IRS4: variants seen among roughly 807,000 people sequenced by gnomAD.
IRS4 encodes insulin receptor substrate 4, also known as 160 kDa phosphotyrosine protein.
Under a neutral mutation model 48.6 loss-of-function variants are expected in IRS4, and 15 were observed. The observed-to-expected ratio is 0.31, with a 90% CI of 0.21 to 0.48. IRS4 has a LOEUF of 0.48. IRS4 is among the 20% of genes least tolerant of loss of function. IRS4 has a pLI of 0.99. For missense variants in IRS4, 987 were observed against 1,023.4 expected, an observed-to-expected ratio of 0.96 and a Z score of 0.49; for synonymous variants, 459 against 413.2, an observed-to-expected ratio of 1.11 and a Z score of -1.34.
Position 108,734,648 on chromosome X carries a change from C to A in IRS4, c.1697G>T (p.Gly566Val), listed in dbSNP as rs2068933577. 1 of 1,211,021 alleles carries A rather than the reference C, an allele frequency of 8.3e-7. No homozygotes were observed. Among genetic ancestry groups the A allele is most frequent in the Admixed American group, 2.2e-5 (1 of 46,031 alleles). ...CTGGCCACCACCTGAGCCATGCCCA[C>A]CTCCAGGTCTCTGGCCACCACCTGA... is the stretch of plus-strand genomic sequence containing the variant. ...HGSGGGQRPG[G>V]GHGSGGGQGP... Residue 566 changes from glycine (G) to valine (V), a missense_variant, in exon 1 of 2, where the codon GGT (glycine) becomes GTT (valine). Coordinates refer to ENST00000372129, the MANE Select transcript of IRS4 (RefSeq NM_001379150.1).
At position 108,733,610 on chromosome X, in the gene IRS4, T is replaced by C. The variant is rs1193104380; in HGVS notation, c.2735A>G (p.Gln912Arg). The change falls in exon 1 of 2, where the codon CAG becomes CGG. Residue 912 changes from glutamine (Q) to arginine (R), a missense_variant. Around this residue, in one of 4 missense-constraint regions of IRS4, gnomAD observed 720 missense variants for 660.3 expected, o/e 1.09. Transcript: ENST00000372129. ...GTCACTAGAGCTGTCAGCTTCTCTC[T>C]GCTCATGTGTGGGCTTTTGTGGTTT... ...KPKPQKPTHE[Q>R]READSSSDYV... The C allele has an allele frequency of 1.7e-6, 2 of 1,210,610 alleles. No individual in the cohort carries two copies. The highest frequency in any genetic ancestry group is 2.2e-6 in the Non-Finnish European group (2 of 895,415).
Position 108,734,546 on chromosome X carries a change from G to A in IRS4, c.1799C>T (p.Ser600Phe), listed in dbSNP as rs766206774. 94 of 1,209,140 alleles carry A rather than the reference G, an allele frequency of 7.8e-5. No homozygotes were observed. In the Middle Eastern group the frequency reaches 9.2e-4, roughly 12 times the overall value. ...GGKGSGSGKG[S>F]DGDGERGKSL... ...TTTTCCACGTTCACCATCACCATCG[G>A]ATCCTTTCCCACTTCCTGAGCCTTT... Residue 600 changes from serine to phenylalanine, a missense_variant, in exon 1 of 2, where the codon TCC becomes TTC. By Grantham distance (155) the Ser-to-Phe change is radical (BLOSUM62 -2). This residue lies in a region of IRS4 where 720 missense variants were observed against 660.3 expected (regional missense o/e 1.09). Coordinates refer to ENST00000372129, the MANE Select transcript of IRS4 (RefSeq NM_001379150.1).
At position 108,735,715 on chromosome X, in the gene IRS4, G is replaced by A. The variant is rs2068945771; in HGVS notation, c.630C>T (p.Gly210=). Reference sequence around the variant, plus strand: ...CGGCCGGCTCTCCGTCCGGCTGCGCGCCGAGCGTGCCGCAGCGGCGGCGCT... The same window carrying A: ...CGGCCGGCTCTCCGTCCGGCTGCGCACCGAGCGTGCCGCAGCGGCGGCGCT... ...ESKRRRCGTL[G]AQPDGEPAAL... Residue 210 remains glycine (G), a synonymous_variant, in exon 1 of 2, where the codon GGC becomes GGT. Transcript: ENST00000372129. 8.5e-7 allele frequency: 1 copy of A among 1,178,534 alleles called. No individual in the cohort carries two copies. The highest frequency in any genetic ancestry group is 1.1e-6 in the Non-Finnish European group (1 of 879,887).
Position 108,734,985 on chromosome X carries a change from C to A in IRS4, c.1360G>T (p.Ala454Ser), listed in dbSNP as rs749175631. ...RHPAEAPNNG[A>S]RLSSEVSGSG... ...CCAGACACTTCAGAAGACAGGCGAG[C>A]TCCATTGTTCGGGGCTTCTGCAGGG... is the stretch of plus-strand genomic sequence containing the variant. Residue 454 changes from alanine (A) to serine (S), a missense_variant, in exon 1 of 2, where the codon GCT becomes TCT. Ala to Ser is a moderately conservative substitution (Grantham distance 99). Transcript: ENST00000372129. The A allele has an allele frequency of 4.1e-6, 5 of 1,212,066 alleles. No homozygotes were observed. In the South Asian group the frequency reaches 8.8e-5, roughly 21 times the overall value.
chrX:108,734,660 T>G lies in IRS4; in HGVS notation c.1685A>C (p.Gln562Pro). ...TGAGCCATGCCCACCTCCAGGTCTCTGGCCACCACCTGAACCGTGCCCACC... is the reference window on the plus strand; with the variant it reads ...TGAGCCATGCCCACCTCCAGGTCTCGGGCCACCACCTGAACCGTGCCCACC... ...TAGGHGSGGG[Q>P]RPGGGHGSGG... The change falls in exon 1 of 2, where the codon CAG becomes CCG. Residue 562 changes from glutamine (Q) to proline (P), a missense_variant. This residue lies in a region of IRS4 where 720 missense variants were observed against 660.3 expected (regional missense o/e 1.09). Coordinates refer to ENST00000372129, the MANE Select transcript of IRS4 (RefSeq NM_001379150.1). 2 of 1,211,067 alleles carry G rather than the reference T, an allele frequency of 1.7e-6. No individual in the cohort carries two copies. Among genetic ancestry groups the G allele is most frequent in the Non-Finnish European group, 2.2e-6 (2 of 895,328 alleles).
Position 108,735,679 on chromosome X carries a change from C to G in IRS4, c.666G>C (p.Ala222=). 8.5e-7 allele frequency: 1 copy of G among 1,182,281 alleles called. No homozygotes were observed. The stretch of plus-strand genomic sequence containing the variant: ...AGAAGGGTGGCTCCGCCGCCGCTGC[C>G]GCCGCCAGCGCGGCCGGCTCTCCGT... ...QPDGEPAALA[A]AAAAEPPFYK... The change falls in exon 1 of 2, where the codon GCG becomes GCC. Residue 222 remains alanine, a synonymous_variant. Coordinates refer to ENST00000372129, the MANE Select transcript of IRS4 (RefSeq NM_001379150.1).
rs1309901269 is a variant in IRS4 at position 108,735,375 on chromosome X, A to C, written c.970T>G (p.Phe324Val). Reference protein sequence around the residue: ...CVVAQNMHELFLEKMRALCAD... With the variant: ...CVVAQNMHELVLEKMRALCAD... ...CACAAGGCTCTCATCTTCTCCAAAA[A>C]CAGCTCATGCATGTTTTGGGCAACC... The change falls in exon 1 of 2, where the codon TTT (phenylalanine) becomes GTT (valine). Residue 324 changes from phenylalanine (F) to valine (V), a missense_variant. Transcript: ENST00000372129. 4 of 1,208,641 alleles carry C rather than the reference A, an allele frequency of 3.3e-6. No individual in the cohort carries two copies. The African/African-American group carries it at 5.3e-5, about 16-fold the overall frequency.
rs1405009226 is a variant in IRS4, at chrX:108,722,178, A to T, written c.*341T>A. 8.9e-6 allele frequency: 1 copy of T among 112,500 alleles called. No individual in the cohort carries two copies. Among genetic ancestry groups the T allele is most frequent in the Non-Finnish European group, 1.9e-5 (1 of 53,479 alleles). 9.3% of individuals were successfully genotyped at this position (112,500 alleles called of 1,213,427 possible). A position where few individuals can be genotyped will look rare whatever the true frequency, so the allele number is the denominator to read the frequency against. On this transcript the variant is annotated 3_prime_UTR_variant, in exon 2 of 2. Coordinates refer to ENST00000372129, the MANE Select transcript of IRS4 (RefSeq NM_001379150.1). ...ACCAAATTTATATGTATTCTAAGTT[A>T]CTTTTTTTTAAAGAGGGAAAGAGTT...
Position 108,721,100 on chromosome X carries a change from C to T in IRS4, c.*1419G>A, listed in dbSNP as rs951963341. ...CACACAACAGGTACATCTACAATCA[C>T]ATGTACACAGGTACACAAAGTGTGC... On this transcript the variant is annotated 3_prime_UTR_variant, in exon 2 of 2. Coordinates refer to ENST00000372129, the MANE Select transcript of IRS4 (RefSeq NM_001379150.1). 1 of 112,904 alleles carries T rather than the reference C, an allele frequency of 8.9e-6. No individual in the cohort carries two copies. Among genetic ancestry groups the T allele is most frequent in the Non-Finnish European group, 1.9e-5 (1 of 53,401 alleles). The allele number at this position is 112,904 out of a possible 1,213,427, so 9.3% of individuals were successfully genotyped here. A position where few individuals can be genotyped will look rare whatever the true frequency, so the allele number is the denominator to read the frequency against.
At chrX:108,730,318 A>ACCACCC (rs1341735847) in intron 1 of IRS4, among the ~76,000 whole-genome samples, 5 of 87,432 alleles carry the variant, frequency 5.7e-5, no homozygotes, top group East Asian at 4.1e-4. Context: ...CACCACCACC[A>ACCACCC]CCACCCCCAC....
At position 108,734,160 on chromosome X, in the gene IRS4, T is replaced by G; in HGVS notation, c.2185A>C (p.Lys729Gln). 1 of 1,211,381 alleles carries G rather than the reference T, an allele frequency of 8.3e-7. No homozygotes were observed. The highest frequency in any genetic ancestry group is 1.1e-6 in the Non-Finnish European group (1 of 895,443). Residue 729 changes from lysine to glutamine, a missense_variant, in exon 1 of 2, where the codon AAA becomes CAA. Lys to Gln is a moderately conservative substitution (Grantham distance 53, BLOSUM62 1). Around this residue, in one of 4 missense-constraint regions of IRS4, gnomAD observed 720 missense variants for 660.3 expected, o/e 1.09. Transcript: ENST00000372129. The part of the protein sequence containing the change: ...PMAPQNVSAS[K>Q]KRHSRSPFED... The stretch of plus-strand genomic sequence containing the variant: ...AAAGGGGATCGAGAGTGGCGCTTTT[T>G]TGAAGCAGAGACATTTTGAGGAGCC...
At position 108,732,704 on chromosome X, in the gene IRS4, T is replaced by C; in HGVS notation, c.3641A>G (p.Glu1214Gly). The C allele has an allele frequency of 1.7e-6, 2 of 1,211,662 alleles. No individual in the cohort carries two copies. Among genetic ancestry groups the C allele is most frequent in the Non-Finnish European group, 2.2e-6 (2 of 895,359 alleles). ...CACCCGGCGACTGCGAGGTGGTGGT[T>C]CCGGAGCGGCAGCTGCAGCGGCAGC... ...GGAAAAAAAP[E>G]PPPRSRRVPR... Residue 1214 changes from glutamate (E) to glycine (G), a missense_variant, in exon 1 of 2, where the codon GAA (glutamate) becomes GGA (glycine). Around this residue, in one of 4 missense-constraint regions of IRS4, gnomAD observed 720 missense variants for 660.3 expected, o/e 1.09. Transcript: ENST00000372129.
In IRS4 at chrX:108,734,111, A is replaced by G; in HGVS notation, c.2234T>C (p.Met745Thr). The G allele has an allele frequency of 1.7e-6, 2 of 1,211,497 alleles. No individual in the cohort carries two copies. The highest frequency in any genetic ancestry group is 2.2e-6 in the Non-Finnish European group (2 of 895,480). Reference sequence around the variant, plus strand: ...TGGTGGGCTCACTCTGGGAAACATCATCATGTACCCTCTTGAATCTTCAAA... The same window carrying G: ...TGGTGGGCTCACTCTGGGAAACATCGTCATGTACCCTCTTGAATCTTCAAA... ...SPFEDSRGYMMMFPRVSPPPA... is the reference protein window; with the variant it reads ...SPFEDSRGYMTMFPRVSPPPA... Residue 745 changes from methionine (M) to threonine (T), a missense_variant, in exon 1 of 2, where the codon ATG becomes ACG. Around this residue, in one of 4 missense-constraint regions of IRS4, gnomAD observed 720 missense variants for 660.3 expected, o/e 1.09. Transcript: ENST00000372129.
rs1191625980 is a variant in IRS4 at position 108,733,397 on chromosome X, G to A, written c.2948C>T (p.Pro983Leu). Residue 983 changes from proline (P) to leucine (L), a missense_variant, in exon 1 of 2, where the codon CCA becomes CTA. Coordinates refer to ENST00000372129, the MANE Select transcript of IRS4 (RefSeq NM_001379150.1). ...NDLSDLLRAI[P>L]RANPLSLDSA... ...GTCCAGAGATAAGGGGTTGGCACGT[G>A]GTATAGCTCTTAAAAGATCTGAGAG... The A allele has an allele frequency of 1.7e-6, 2 of 1,209,861 alleles. No homozygotes were observed. The highest frequency in any genetic ancestry group is 3.5e-5 in the African/African-American group (2 of 57,124).
Position 108,736,228 on chromosome X carries a change from G to T in IRS4, c.117C>A (p.Thr39=), listed in dbSNP as rs1158288311. 8.3e-7 allele frequency: 1 copy of T among 1,210,939 alleles called. No homozygotes were observed. The highest frequency in any genetic ancestry group is 1.1e-6 in the Non-Finnish European group (1 of 895,373). Residue 39 remains threonine, a synonymous_variant, in exon 1 of 2, where the codon ACC becomes ACA. Transcript: ENST00000372129. ...VVTTPLLSSG[T]PTALIGTGSS... ...ACCCGGTCCCAATGAGTGCGGTCGG[G>T]GTTCCCGAGGAAAGAAGCGGGGTGG...
In IRS4 at chrX:108,733,050, C is replaced by T. The variant is rs1029246914; in HGVS notation, c.3295G>A (p.Ala1099Thr). 4 of 1,211,363 alleles carry T rather than the reference C, an allele frequency of 3.3e-6. No individual in the cohort carries two copies. Among genetic ancestry groups the T allele is most frequent in the Non-Finnish European group, 2.2e-6 (2 of 895,133 alleles). Residue 1099 changes from alanine (A) to threonine (T), a missense_variant, in exon 1 of 2, where the codon GCT becomes ACT. Transcript: ENST00000372129. ...CTGTCTGTTGGAAAAGCAGAGACAG[C>T]GGCTCTGGCTGCTGCAAAGAAACTT... The part of the protein sequence containing the change: ...SQSFFAAARA[A>T]VSAFPTDSLE...
chrX:108,725,951 T>A (rs1164117545), intron 1 of IRS4: 2 of 111,982 alleles, frequency 1.8e-5, no homozygotes, highest in African/African-American at 3.3e-5. Flanking sequence ...GTCTTGAGTA[T>A]CTGGATACAA....
At chrX:108,732,503 C>A in intron 1 of IRS4, 76 bp downstream of exon 1, 1 of 1,205,872 alleles carries the variant, frequency 8.3e-7, no homozygotes, top group Non-Finnish European at 1.1e-6. Flanking sequence ...GTATCCCTAA[C>A]ACTGTAGACT....
chrX:108,728,693 C>A (rs892178179), intron 1 of IRS4, among the ~76,000 whole-genome samples: 3 of 112,169 alleles, frequency 2.7e-5, no homozygotes, highest in Non-Finnish European at 5.6e-5. Flanking sequence ...CCTTTTAAAT[C>A]ACATAAACTA....
Sources: gnomAD v4.1 joint callset for allele counts (sites outside exome capture counted in the v4.1 genomes callset) on GRCh38, gnomAD v4.1.1 for gene constraint, gnomAD v4.1.1 regional missense constraint, MANE v1.5 for transcripts, NCBI Gene and HGNC (gene_info 2026-07-23, HGNC 2026-07-21) for gene names.